VIT: variants seen among roughly 807,000 people sequenced by gnomAD.
VIT encodes the protein vitrin.
Under a neutral mutation model 78.0 loss-of-function variants are expected in VIT, and 99 were observed. The observed-to-expected ratio is 1.27, with a 90% confidence interval of 1.08 to 1.50. The LOEUF (loss-of-function observed/expected upper bound fraction) is 1.50, where lower values mean the gene tolerates loss of function less well. Among genes scored for constraint, VIT ranks in the 40% most tolerant of loss-of-function variants. The pLI, the probability that VIT is intolerant of heterozygous loss-of-function variation, is 0.00. For missense variants in VIT, 1,126 were observed against 875.3 expected (o/e 1.29, Z -3.61); for synonymous variants, 374 against 334.3 (o/e 1.12, Z -1.29).
chr2:36,751,338 G>C (rs1219431664), intron 4 of VIT, among the ~76,000 whole-genome samples: 1 of 152,230 alleles, frequency 6.6e-6, no homozygotes, highest in Non-Finnish European at 1.5e-5. Context: ...GGAGGTTGCA[G>C]TGAGCTGAGA....
At chr2:36,713,079 G>A (rs1456797522) in intron 1 of VIT, among the ~76,000 whole-genome samples, 1 of 152,212 alleles carries the variant, frequency 6.6e-6, no homozygotes, top group African/African-American at 2.4e-5. Context: ...TATAAAGTAT[G>A]TCAGAAGTGA....
chr2:36,798,098 AG>A (rs1283513571), intron 12 of VIT, among the ~76,000 whole-genome samples: 1 of 152,242 alleles, frequency 6.6e-6, no homozygotes, highest in Non-Finnish European at 1.5e-5. Flanking sequence ...AGAGAGAATA[AG>A]AAAGAGAACA....
chr2:36,738,475 A>G (rs1233275952), intron 3 of VIT, among the ~76,000 whole-genome samples: 1 of 152,210 alleles, frequency 6.6e-6, no homozygotes, highest in African/African-American at 2.4e-5. Flanking sequence ...TTAGAGACAC[A>G]AACTTCTGCA....
Position 36,808,651 on chromosome 2 carries a change from G to C in VIT, c.1569G>C (p.Thr523=), listed in dbSNP as rs747470396. ...FVIDGSSSVG[T]GNFRTVLQFV... is the part of the protein sequence containing the mutation. ...TCGACGGCTCCAGCAGTGTGGGGACGGGCAACTTCCGCACCGTCCTCCAGT... is the reference window on the plus strand; with the variant it reads ...TCGACGGCTCCAGCAGTGTGGGGACCGGCAACTTCCGCACCGTCCTCCAGT... The change falls in exon 15 of 16, where the codon ACG becomes ACC. Residue 523 remains threonine, a synonymous_variant. Coordinates refer to ENST00000379242, the MANE Select transcript of VIT (RefSeq NM_053276.4). The C allele has an allele frequency of 6.2e-7, 1 of 1,614,176 alleles. No homozygotes were observed. Among genetic ancestry groups the C allele is most frequent in the Non-Finnish European group, 8.5e-7 (1 of 1,180,034 alleles).
At chr2:36,749,292 G>C (rs1668319343) in intron 4 of VIT, among the ~76,000 whole-genome samples, 1 of 152,156 alleles carries the variant, frequency 6.6e-6, no homozygotes, top group Non-Finnish European at 1.5e-5. Flanking sequence ...GATGGGGAAA[G>C]TGGAGAAGGG....
intron 4 of VIT, among the ~76,000 whole-genome samples, chr2:36,751,808 G>C (rs969181132): frequency 6.6e-6 from 1 of 152,180 alleles, no homozygotes; most frequent in African/African-American, 2.4e-5. Flanking sequence ...GACTGATATA[G>C]TGGAAAATCT....
At chr2:36,760,011 T>TC (rs1669009549) in intron 6 of VIT, among the ~76,000 whole-genome samples, 1 of 32,156 alleles carries the variant, frequency 3.1e-5, no homozygotes. Flanking sequence ...TTTTTCTTTT[T>TC]TTGAGACGGA....
chr2:36,782,940 A>C (rs1346376189), intron 10 of VIT, among the ~76,000 whole-genome samples: 2 of 152,222 alleles, frequency 1.3e-5, no homozygotes, highest in Non-Finnish European at 2.9e-5. Flanking sequence ...ATGTTGACTG[A>C]GGACCTACAT....
At chr2:36,752,519 T>C (rs944409911) in intron 4 of VIT, among the ~76,000 whole-genome samples, 5 of 152,202 alleles carry the variant, frequency 3.3e-5, no homozygotes, top group African/African-American at 1.2e-4. Context: ...CTGGGTTTGC[T>C]TTTCCAGAGA....
intron 1 of VIT, among the ~76,000 whole-genome samples, chr2:36,703,352 C>A (rs973593580): frequency 6.6e-6 from 1 of 151,910 alleles, no homozygotes; most frequent in African/African-American, 2.4e-5. Flanking sequence ...CCCCCACCCC[C>A]CTACACCCAG....
At chr2:36,747,395 T>C (rs752355958) in intron 4 of VIT, among the ~76,000 whole-genome samples, 2 of 152,202 alleles carry the variant, frequency 1.3e-5, no homozygotes, top group Admixed American at 6.5e-5. Context: ...CAGTGGAGTG[T>C]TGAAGTCCCC....
At chr2:36,711,113 C>G (rs1198239983) in intron 1 of VIT, among the ~76,000 whole-genome samples, 1 of 152,162 alleles carries the variant, frequency 6.6e-6, no homozygotes, top group Non-Finnish European at 1.5e-5. Flanking sequence ...CTCCAGGTTG[C>G]TTTTGCATGC....
At chr2:36,735,041 G>A (rs1667430697) in intron 3 of VIT, among the ~76,000 whole-genome samples, 1 of 152,114 alleles carries the variant, frequency 6.6e-6, no homozygotes, top group African/African-American at 2.4e-5. Context: ...GCAGGCACCT[G>A]TAATCCCAGC....
intron 3 of VIT, among the ~76,000 whole-genome samples, chr2:36,730,063 A>T (rs992601414): frequency 6.6e-6 from 1 of 152,212 alleles, no homozygotes; most frequent in Admixed American, 6.5e-5. Context: ...TGAGAGGCTG[A>T]GGCGGGCGGA....
At chr2:36,808,344 G>C (rs1189686804) in intron 14 of VIT, 128 bp from the exon 15 acceptor site, 8 of 1,298,582 alleles carry the variant, frequency 6.2e-6, no homozygotes, top group Non-Finnish European at 8.3e-6. Flanking sequence ...GGAAGAACAC[G>C]GTAGGAGGGC....
At chr2:36,736,922 T>C (rs1667542162) in intron 3 of VIT, among the ~76,000 whole-genome samples, 1 of 152,226 alleles carries the variant, frequency 6.6e-6, no homozygotes. Flanking sequence ...AATCAGGGAC[T>C]GTCTGTATTT....
In VIT at chr2:36,813,075, C is replaced by T. The variant is rs193044599; in HGVS notation, c.1904-1108C>T. ...AAAAAAATAGGATTTTTTGTGACCT[C>T]GTGATCCACCCACCTCAGCCTCCCA... On this transcript the variant is annotated intron_variant, in intron 15 of 15. Coordinates refer to ENST00000379242, the MANE Select transcript of VIT (RefSeq NM_053276.4). 4.5e-3 allele frequency among the ~76,000 whole-genome samples: 667 copies of T among 149,076 alleles called. 5 individuals carry two copies. The highest frequency in any genetic ancestry group is 0.015 in the African/African-American group (618 of 40,818).
intron 4 of VIT, among the ~76,000 whole-genome samples, chr2:36,745,038 A>AT (rs1668054108): frequency 6.6e-6 from 1 of 152,132 alleles, no homozygotes; most frequent in Non-Finnish European, 1.5e-5. Flanking sequence ...GCATATGGAT[A>AT]GCCAGTTATC....
chr2:36,714,291 G>C (rs1421916802), intron 1 of VIT, among the ~76,000 whole-genome samples: 2 of 152,030 alleles, frequency 1.3e-5, no homozygotes. Context: ...ATCAAATATT[G>C]GATAGAAGCT....
Sources: allele counts gnomAD v4.1 joint callset (sites outside exome capture counted in the v4.1 genomes callset), GRCh38; gene constraint gnomAD v4.1.1; transcripts MANE v1.5; gene names NCBI Gene and HGNC (gene_info 2026-07-23, HGNC 2026-07-21).